Variants in ZNF385D observed in about 807,000 individuals in gnomAD.
ZNF385D encodes zinc finger protein 659.
Under a neutral mutation model 35.8 loss-of-function variants are expected in ZNF385D, and 15 were observed. The ratio of observed to expected loss-of-function variants is 0.42; its 90% confidence interval spans 0.28 to 0.64. ZNF385D has a LOEUF of 0.64. Ranked by LOEUF, ZNF385D falls within the 30% of genes least tolerant of loss-of-function variation. The pLI, the probability that ZNF385D is intolerant of heterozygous loss-of-function variation, is 0.23. For missense variants in ZNF385D, 474 were observed against 494.6 expected (o/e 0.96, Z 0.39); for synonymous variants, 212 against 186.8 (o/e 1.13, Z -1.10).
chr3:21,913,357 T>A (rs1222070296), intron 3 of ZNF385D, among the ~76,000 whole-genome samples: 1 of 152,074 alleles, frequency 6.6e-6, no homozygotes, highest in Non-Finnish European at 1.5e-5. Flanking sequence ...CTGAAATAAC[T>A]CATTAACAGA....
At chr3:22,137,131 A>G (rs1201192216) in intron 3 of ZNF385D, among the ~76,000 whole-genome samples, 1 of 152,172 alleles carries the variant, frequency 6.6e-6, no homozygotes, top group Non-Finnish European at 1.5e-5. Context: ...GCTGCGGTAT[A>G]TAAGATCTTT....
chr3:21,887,024 T>C (rs1429828772), intron 3 of ZNF385D, among the ~76,000 whole-genome samples: 1 of 152,116 alleles, frequency 6.6e-6, no homozygotes, highest in Non-Finnish European at 1.5e-5. Context: ...GGATGTCCCC[T>C]TGGGAGCAGC....
chr3:21,990,496 C>G (rs1181220609), intron 3 of ZNF385D, among the ~76,000 whole-genome samples: 3 of 152,104 alleles, frequency 2.0e-5, no homozygotes, highest in African/African-American at 7.2e-5. Flanking sequence ...CTGCTCATTT[C>G]TATTGCTTAA....
At chr3:21,814,909 C>T (rs1386387581) in intron 3 of ZNF385D, among the ~76,000 whole-genome samples, 1 of 152,154 alleles carries the variant, frequency 6.6e-6, no homozygotes. Flanking sequence ...CACACTTATT[C>T]CAAAACTGAC....
At chr3:21,890,486 G>T (rs1272965980) in intron 3 of ZNF385D, among the ~76,000 whole-genome samples, 1 of 152,116 alleles carries the variant, frequency 6.6e-6, no homozygotes, top group African/African-American at 2.4e-5. Context: ...GTGCATGGTG[G>T]CAGGCCCCTG....
chr3:21,764,750 C>A (rs964525993), intron 3 of ZNF385D, among the ~76,000 whole-genome samples: 13 of 152,092 alleles, frequency 8.5e-5, no homozygotes, highest in African/African-American at 2.9e-4. Context: ...GCTGTGTGCA[C>A]TGAATTCTAT....
intron 2 of ZNF385D, among the ~76,000 whole-genome samples, chr3:22,292,868 G>T (rs1702373298): frequency 6.6e-6 from 1 of 152,106 alleles, no homozygotes; most frequent in African/African-American, 2.4e-5. Flanking sequence ...AGCAGCAGCT[G>T]CTGTAATTGT....
At chr3:21,928,754 T>C (rs1700868581) in intron 3 of ZNF385D, among the ~76,000 whole-genome samples, 5 of 152,154 alleles carry the variant, frequency 3.3e-5, no homozygotes, top group Admixed American at 2.0e-4. Flanking sequence ...GACATATTCA[T>C]AGTAAGACAT....
chr3:21,991,668 C>T (rs1220172527), intron 3 of ZNF385D, among the ~76,000 whole-genome samples: 1 of 152,080 alleles, frequency 6.6e-6, no homozygotes, highest in Non-Finnish European at 1.5e-5. Flanking sequence ...AATACTTGTC[C>T]TAAGAGCCTA....
rs559541556 is a variant in ZNF385D, at chr3:21,438,996, T to C, written c.440-1793A>G. Among the ~76,000 whole-genome samples the C allele has an allele frequency of 1.3e-3, 194 of 152,224 alleles. 1 individual carries two copies. Among genetic ancestry groups the C allele is most frequent in the Non-Finnish European group, 2.2e-3 (147 of 67,988 alleles). ...GACAACTTTAAGATGGTGCCATAGCTGATTATTGCCCCCTATATACCAGAA... is the reference window on the plus strand; with the variant it reads ...GACAACTTTAAGATGGTGCCATAGCCGATTATTGCCCCCTATATACCAGAA... On this transcript the variant is annotated intron_variant, in intron 4 of 7. Coordinates refer to ENST00000281523, the MANE Select transcript of ZNF385D (RefSeq NM_024697.3).
At chr3:22,107,026 G>GTTTTTTTTTTTTTTT (rs10676871) in intron 3 of ZNF385D, among the ~76,000 whole-genome samples, 25 of 118,818 alleles carry the variant, frequency 2.1e-4, no homozygotes, top group South Asian at 1.2e-3. Context: ...TGGAATGAGA[G>GTTTTTTTTTTTTTTT]TTTTTTTTTT....
intron 3 of ZNF385D, among the ~76,000 whole-genome samples, chr3:22,016,652 G>A (rs56134833): frequency 0.057 from 8,589 of 151,862 alleles, 810 homozygotes; most frequent in African/African-American, 0.19. Context: ...AAAATTTTAG[G>A]GGCTTTCTTA....
At chr3:22,146,669 C>A (rs977450751) in intron 3 of ZNF385D, among the ~76,000 whole-genome samples, 1 of 152,026 alleles carries the variant, frequency 6.6e-6, no homozygotes, top group Non-Finnish European at 1.5e-5. Flanking sequence ...TGAATAAACA[C>A]ATTATATAAC....
chr3:22,185,561 G>A (rs1049340250), intron 2 of ZNF385D, among the ~76,000 whole-genome samples: 5 of 151,992 alleles, frequency 3.3e-5, no homozygotes, highest in African/African-American at 4.8e-5. Flanking sequence ...TCCGCCTCCC[G>A]GGTTCAAGCA....
chr3:21,589,894 G>C (rs1325071686), intron 2 of ZNF385D, among the ~76,000 whole-genome samples: 5 of 152,056 alleles, frequency 3.3e-5, no homozygotes, highest in Non-Finnish European at 5.9e-5. Flanking sequence ...ACATCTAGGT[G>C]GGAGTAAAAA....
chr3:21,755,232 T>A (rs2070288481), upstream of ZNF385D, among the ~76,000 whole-genome samples: 1 of 152,206 alleles, frequency 6.6e-6, no homozygotes, highest in Non-Finnish European at 1.5e-5. Context: ...GTATCCAGTG[T>A]TCCTGATTTC....
intron 2 of ZNF385D, among the ~76,000 whole-genome samples, chr3:21,580,458 A>G (rs1191305026): frequency 6.6e-6 from 1 of 152,216 alleles, no homozygotes; most frequent in Non-Finnish European, 1.5e-5. Flanking sequence ...CATTGGTAAG[A>G]ACCATATAAA....
At chr3:22,020,824 C>T (rs186056079) in intron 3 of ZNF385D, among the ~76,000 whole-genome samples, 1 of 152,052 alleles carries the variant, frequency 6.6e-6, no homozygotes, top group East Asian at 1.9e-4. Context: ...TACATGCACT[C>T]ATATGTTTAT....
chr3:21,858,641 C>T (rs907430640), intron 3 of ZNF385D, among the ~76,000 whole-genome samples: 1 of 152,038 alleles, frequency 6.6e-6, no homozygotes, highest in Non-Finnish European at 1.5e-5. Flanking sequence ...TCTTGGACTT[C>T]CCAGCATTTA....
Sources: gnomAD v4.1 joint callset for allele counts (sites outside exome capture counted in the v4.1 genomes callset) on GRCh38, gnomAD v4.1.1 for gene constraint, MANE v1.5 for transcripts, NCBI Gene and HGNC (gene_info 2026-07-23, HGNC 2026-07-21) for gene names.